Variants in KLHL29 observed in about 807,000 individuals in gnomAD.
The protein encoded by KLHL29 is kelch like family member 29.
In KLHL29, 21 loss-of-function variants were observed where a neutral mutation model predicts 80.4. The ratio of observed to expected loss-of-function variants is 0.26; its 90% CI spans 0.19 to 0.38. The LOEUF is 0.38. KLHL29 is among the 10% of genes least tolerant of loss of function. The pLI is 1.00. For missense variants in KLHL29, 867 were observed against 1,223.9 expected, an observed-to-expected ratio of 0.71 and a Z score of 4.35; for synonymous variants, 511 against 526.8, an observed-to-expected ratio of 0.97 and a Z score of 0.41.
At chr2:23,487,467 G>A (rs2103445996) in intron 2 of KLHL29, among the ~76,000 whole-genome samples, 1 of 152,304 alleles carries the variant, frequency 6.6e-6, no homozygotes, top group Non-Finnish European at 1.5e-5. Flanking sequence ...TCCGTCCTGG[G>A]GAAGAAGTTC....
intron 1 of KLHL29, among the ~76,000 whole-genome samples, chr2:23,432,894 A>G (rs867072477): frequency 6.6e-6 from 1 of 152,258 alleles, no homozygotes; most frequent in Admixed American, 6.5e-5. Context: ...TCCAAGAACT[A>G]TCAATGGCAG....
chr2:23,554,507 C>G (rs966748041), intron 2 of KLHL29, among the ~76,000 whole-genome samples: 1 of 152,202 alleles, frequency 6.6e-6, no homozygotes, highest in African/African-American at 2.4e-5. Context: ...TTCGGCGTGT[C>G]TTAATGATAG....
chr2:23,690,232 G>A (rs1671499016), intron 6 of KLHL29: 1 of 152,254 alleles, frequency 6.6e-6, no homozygotes, highest in Non-Finnish European at 1.5e-5. Flanking sequence ...CTCGTGGGAA[G>A]GGCATTTTCC....
At chr2:23,473,648 C>T (rs897271134) in intron 1 of KLHL29, among the ~76,000 whole-genome samples, 1 of 152,140 alleles carries the variant, frequency 6.6e-6, no homozygotes, top group African/African-American at 2.4e-5. Flanking sequence ...TCATTCGGCA[C>T]AGCCTGGAAA....
chr2:23,476,512 CATGTTATTT>C (rs1664647070), intron 2 of KLHL29, among the ~76,000 whole-genome samples: 1 of 151,946 alleles, frequency 6.6e-6, no homozygotes, highest in South Asian at 2.1e-4. Context: ...GTTCGGGGGG[CATGTTATTT>C]AGATTCCACA....
At chr2:23,652,748 A>T (rs1055281269) in intron 5 of KLHL29, among the ~76,000 whole-genome samples, 16 of 152,254 alleles carry the variant, frequency 1.1e-4, no homozygotes, top group African/African-American at 3.9e-4. Flanking sequence ...ACGCAGAGAT[A>T]TATGAATATA....
chr2:23,483,132 C>T (rs1041589620), intron 2 of KLHL29, among the ~76,000 whole-genome samples: 14 of 152,132 alleles, frequency 9.2e-5, no homozygotes, highest in African/African-American at 2.7e-4. Context: ...TTGTTGTAGG[C>T]ACCGGGGGTA....
chr2:23,441,250 G>A (rs1434139436), intron 1 of KLHL29, among the ~76,000 whole-genome samples: 4 of 134,774 alleles, frequency 3.0e-5, no homozygotes, highest in Non-Finnish European at 3.2e-5. Context: ...AACACCGCAT[G>A]TTCTCACTCA....
chr2:23,556,949 G>C (rs915072708), intron 2 of KLHL29, among the ~76,000 whole-genome samples: 3 of 152,294 alleles, frequency 2.0e-5, no homozygotes, highest in African/African-American at 4.8e-5. Context: ...ACCCAGGTTC[G>C]AGTCCTAGTG....
intron 5 of KLHL29, among the ~76,000 whole-genome samples, chr2:23,661,300 C>T (rs1670399486): frequency 1.3e-5 from 2 of 151,056 alleles, no homozygotes; most frequent in Admixed American, 1.3e-4. Context: ...TATGATCTCA[C>T]CACTGCACTC....
intron 2 of KLHL29, among the ~76,000 whole-genome samples, chr2:23,525,736 C>CA (rs1246995708): frequency 2.2e-4 from 6 of 26,926 alleles, no homozygotes; most frequent in Non-Finnish European, 6.3e-4. Flanking sequence ...GCCCCCCCCC[C>CA]CCACCCGAGG....
At position 23,421,129 on chromosome 2, in the gene KLHL29, C is replaced by T. The variant is rs146702540; in HGVS notation, c.-154+35349C>T. Among the ~76,000 whole-genome samples the T allele has an allele frequency of 2.3e-3, 357 of 152,308 alleles. 4 individuals carry two copies. Among genetic ancestry groups the T allele is most frequent in the Non-Finnish European group, 3.7e-3 (253 of 68,024 alleles). ...GACTCGCTCAGTAGTGTAGACAAGGCTCCAGCCCACCCTGTAATTCCACTC... is the reference window on the plus strand; with the variant it reads ...GACTCGCTCAGTAGTGTAGACAAGGTTCCAGCCCACCCTGTAATTCCACTC... On this transcript the variant is annotated intron_variant, in intron 1 of 13. Transcript: ENST00000486442.
At chr2:23,675,848 A>G (rs1220235840) in intron 5 of KLHL29, among the ~76,000 whole-genome samples, 1 of 152,238 alleles carries the variant, frequency 6.6e-6, no homozygotes. Context: ...GATTCCACAC[A>G]ACTGTGGTAT....
intron 3 of KLHL29, among the ~76,000 whole-genome samples, chr2:23,595,185 G>A (rs1212774571): frequency 6.6e-6 from 1 of 152,178 alleles, no homozygotes; most frequent in African/African-American, 2.4e-5. Context: ...CCTGGGAAGG[G>A]AAGGGGCTGT....
At chr2:23,524,751 A>T (rs1666245996) in intron 2 of KLHL29, among the ~76,000 whole-genome samples, 1 of 152,204 alleles carries the variant, frequency 6.6e-6, no homozygotes, top group African/African-American at 2.4e-5. Flanking sequence ...TAAAAGTCAA[A>T]GTTTCTGAAG....
intron 5 of KLHL29, among the ~76,000 whole-genome samples, chr2:23,671,160 C>A (rs1464730636): frequency 6.6e-6 from 1 of 151,766 alleles, no homozygotes. Flanking sequence ...TGATTGTACT[C>A]CTGGCTCTGG....
chr2:23,695,809 C>T lies in KLHL29; in HGVS notation c.1729C>T (p.Arg577Cys). ...GATGCAGACGCCCCGAACCCGGCCG[C>T]GCCTCTCTGCAGGTATGAAGGGGCA... ...QEMQTPRTRPRLSAGVAEVIV... is the reference protein window; with the variant it reads ...QEMQTPRTRPCLSAGVAEVIV... Residue 577 changes from arginine to cysteine, a missense_variant, in exon 9 of 14, where the codon CGC (arginine) becomes TGC (cysteine). Transcript: ENST00000486442. This position sits in a 1 kb window ranked among gnomAD's most constrained non-coding sequence, Gnocchi z 7.6. The T allele has an allele frequency of 6.5e-7, 1 of 1,549,100 alleles. No individual in the cohort carries two copies. Among genetic ancestry groups the T allele is most frequent in the Non-Finnish European group, 8.7e-7 (1 of 1,146,368 alleles).
At chr2:23,412,032 A>C (rs1211813806) in intron 1 of KLHL29, among the ~76,000 whole-genome samples, 1 of 150,578 alleles carries the variant, frequency 6.6e-6, no homozygotes, top group Non-Finnish European at 1.5e-5. Flanking sequence ...GAAGAAACAG[A>C]TGTGTCAGAG....
At chr2:23,439,849 C>T (rs1299659095) in intron 1 of KLHL29, among the ~76,000 whole-genome samples, 2 of 151,740 alleles carry the variant, frequency 1.3e-5, no homozygotes, top group African/African-American at 4.8e-5. Flanking sequence ...GAGCTGAGTA[C>T]AATTCCTGGG....
Sources: allele counts gnomAD v4.1 joint callset (sites outside exome capture counted in the v4.1 genomes callset), GRCh38; gene constraint gnomAD v4.1.1; non-coding constraint Gnocchi (gnomAD v3.1); transcripts MANE v1.5; gene names NCBI Gene and HGNC (gene_info 2026-07-23, HGNC 2026-07-21).